The following ETV1 variants were observed in gnomAD, a reference collection of about 807,000 sequenced individuals.
ETV1 encodes the protein ETS translocation variant 1.
A neutral mutation model predicts 62.3 loss-of-function variants in ETV1; 27 were observed. The observed-to-expected ratio is 0.43, with a 90% CI of 0.32 to 0.60. ETV1 has a LOEUF of 0.60. ETV1 is among the 20% of genes least tolerant of loss of function. The pLI, the probability that ETV1 is intolerant of heterozygous loss-of-function variation, is 0.06. For synonymous variants in ETV1, 222 were observed against 199.6 expected (o/e 1.11, Z -0.94); for missense variants, 605 against 605.8 (o/e 1.00, Z 0.01).
chr7:13,936,828 CA>C (rs1227269688), intron 7 of ETV1, among the ~76,000 whole-genome samples: 5 of 152,008 alleles, frequency 3.3e-5, no homozygotes, highest in African/African-American at 1.2e-4. Flanking sequence ...ATCGCTTAAG[CA>C]CGGGAGTTTA....
chr7:13,940,440 G>T (rs1236484522), intron 6 of ETV1, among the ~76,000 whole-genome samples: 1 of 151,530 alleles, frequency 6.6e-6, no homozygotes, highest in African/African-American at 2.4e-5. Flanking sequence ...CTGAAGAAAT[G>T]CCTATTAGAA....
chr7:13,930,554 C>T (rs545683076), intron 9 of ETV1, among the ~76,000 whole-genome samples: 3 of 151,852 alleles, frequency 2.0e-5, no homozygotes, highest in Non-Finnish European at 4.4e-5. Context: ...ATCTCCTGAC[C>T]TCGTAATCCG....
At position 13,923,804 on chromosome 7, in the gene ETV1, G is replaced by A. The variant is rs113135133; in HGVS notation, c.802+7698C>T. Reference sequence around the variant, plus strand: ...TCCCAGCATTCTGGGAGGCTGAGGCGGGCGGATCACCTAAGGTCGGAAGTT... The same window carrying A: ...TCCCAGCATTCTGGGAGGCTGAGGCAGGCGGATCACCTAAGGTCGGAAGTT... On this transcript the variant is annotated intron_variant, in intron 9 of 13. Transcript: ENST00000430479. Among the ~76,000 whole-genome samples, 1,012 of 152,154 alleles carry A rather than the reference G, an allele frequency of 6.7e-3. 12 individuals carry two copies. Among genetic ancestry groups the A allele is most frequent in the African/African-American group, 0.022 (895 of 41,506 alleles).
chr7:13,984,363 C>G (rs1192664796), intron 5 of ETV1, among the ~76,000 whole-genome samples: 2 of 151,964 alleles, frequency 1.3e-5, no homozygotes, highest in Non-Finnish European at 2.9e-5. Context: ...ACACATCTCA[C>G]TACAAATAAA....
chr7:13,966,243 T>C (rs945751454), intron 6 of ETV1, among the ~76,000 whole-genome samples: 3 of 152,164 alleles, frequency 2.0e-5, no homozygotes, highest in African/African-American at 4.8e-5. Context: ...AATTTTAGCA[T>C]AGGTCAACAA....
At chr7:13,920,188 CTG>C (rs1163399351) in intron 9 of ETV1, among the ~76,000 whole-genome samples, 2 of 152,154 alleles carry the variant, frequency 1.3e-5, no homozygotes, top group Non-Finnish European at 2.9e-5. Flanking sequence ...TAGACAAACA[CTG>C]TGGGGCTGAA....
At chr7:13,944,703 G>T (rs937164836) in intron 6 of ETV1, among the ~76,000 whole-genome samples, 2 of 152,130 alleles carry the variant, frequency 1.3e-5, no homozygotes, top group African/African-American at 4.8e-5. Flanking sequence ...GAGAAACACA[G>T]ATTCTCAGAC....
At chr7:13,903,045 C>T (rs2128409580) in intron 12 of ETV1, among the ~76,000 whole-genome samples, 1 of 152,212 alleles carries the variant, frequency 6.6e-6, no homozygotes, top group African/African-American at 2.4e-5. Flanking sequence ...GCCAGGTAGG[C>T]CAACCACCAA....
At chr7:13,906,654 T>G (rs1008294412) in intron 11 of ETV1, 55 bp from the exon 12 acceptor site, 2 of 1,308,374 alleles carry the variant, frequency 1.5e-6, no homozygotes, top group African/African-American at 3.0e-5. Context: ...CTATCTTACA[T>G]AAAATGTACA....
chr7:13,989,012 G>T lies in ETV1; in HGVS notation c.41C>A (p.Thr14Asn). ...ACTTTCAAACTGATCACTCACATTG[G>T]TGACCATGTAAGGCACTTGCTGGTC... ...FYDQQVPYMV[T>N]NSQRGRNCNE... Residue 14 changes from threonine to asparagine, a missense_variant, in exon 3 of 14, where the codon ACC (threonine) becomes AAC (asparagine). Coordinates refer to ENST00000430479, the MANE Select transcript of ETV1 (RefSeq NM_004956.5). 6.2e-7 allele frequency: 1 copy of T among 1,605,216 alleles called. No homozygotes were observed. The highest frequency in any genetic ancestry group is 1.1e-5 in the South Asian group (1 of 89,440).
Position 13,952,665 on chromosome 7 carries a change from G to A in ETV1, c.236-13419C>T, listed in dbSNP as rs548048779. 1.5e-3 allele frequency among the ~76,000 whole-genome samples: 229 copies of A among 152,094 alleles called. 1 individual carries two copies. The highest frequency in any genetic ancestry group is 5.2e-3 in the African/African-American group (215 of 41,498). On this transcript the variant is annotated intron_variant, in intron 6 of 13. Coordinates refer to ENST00000430479, the MANE Select transcript of ETV1 (RefSeq NM_004956.5). ...CGGGGACCCCCCACTTTTCAGTAGG[G>A]GACCTCCCACATTTCAGTGGGACAG...
chr7:13,922,089 G>A (rs1440376649), intron 9 of ETV1, among the ~76,000 whole-genome samples: 1 of 151,884 alleles, frequency 6.6e-6, no homozygotes, highest in Non-Finnish European at 1.5e-5. Context: ...AATTATTAGG[G>A]GCTGGATATA....
At chr7:13,907,363 T>A (rs894638169) in intron 11 of ETV1, among the ~76,000 whole-genome samples, 1 of 152,158 alleles carries the variant, frequency 6.6e-6, no homozygotes, top group Admixed American at 6.6e-5. Context: ...TTTCTAAAAG[T>A]CCAATTTAAA....
chr7:13,952,194 G>A (rs956028633), intron 6 of ETV1, among the ~76,000 whole-genome samples: 3 of 152,140 alleles, frequency 2.0e-5, no homozygotes, highest in African/African-American at 7.2e-5. Context: ...CCAGCTAGCT[G>A]CATAATCATG....
intron 5 of ETV1, among the ~76,000 whole-genome samples, chr7:13,980,255 C>T (rs1400243627): frequency 6.6e-6 from 1 of 152,066 alleles, no homozygotes; most frequent in African/African-American, 2.4e-5. Flanking sequence ...TTAGAGTAAA[C>T]GGAAAGCAGT....
intron 9 of ETV1, among the ~76,000 whole-genome samples, chr7:13,915,021 G>A (rs1324013415): frequency 2.0e-5 from 3 of 152,100 alleles, no homozygotes; most frequent in African/African-American, 7.2e-5. Context: ...TGATGCTTTT[G>A]GTTAAATTCT....
intron 6 of ETV1, among the ~76,000 whole-genome samples, chr7:13,939,675 T>C (rs971684984): frequency 6.6e-6 from 1 of 152,154 alleles, no homozygotes; most frequent in South Asian, 2.1e-4. Flanking sequence ...ATCAACTGCA[T>C]CAATAATAAT....
intron 9 of ETV1, among the ~76,000 whole-genome samples, chr7:13,918,834 C>G (rs1037661541): frequency 1.6e-4 from 24 of 147,482 alleles, no homozygotes; most frequent in Non-Finnish European, 3.3e-4. Flanking sequence ...TGTAACTAAC[C>G]TGCACAATGT....
chr7:13,980,637 T>C (rs1034366111), intron 5 of ETV1, among the ~76,000 whole-genome samples: 2 of 152,028 alleles, frequency 1.3e-5, no homozygotes, highest in African/African-American at 4.8e-5. Context: ...AGCATGTGGA[T>C]TTTATTGGTA....
Sources: gnomAD v4.1 joint callset for allele counts (sites outside exome capture counted in the v4.1 genomes callset) on GRCh38, gnomAD v4.1.1 for gene constraint, MANE v1.5 for transcripts, NCBI Gene and HGNC (gene_info 2026-07-23, HGNC 2026-07-21) for gene names.